Variants in SLC6A17 observed in about 807,000 individuals in gnomAD.
The protein encoded by SLC6A17 is solute carrier family 6 member 17.
Under a neutral mutation model 64.5 loss-of-function variants are expected in SLC6A17, and 21 were observed. The ratio of observed to expected loss-of-function variants is 0.33; its 90% CI spans 0.23 to 0.47. The LOEUF (loss-of-function observed/expected upper bound fraction) is 0.47. Among genes scored for constraint, SLC6A17 ranks in the 20% least tolerant of loss-of-function variants. The pLI is 1.00. For missense variants in SLC6A17, 682 were observed against 963.2 expected, an observed-to-expected ratio of 0.71 and a Z score of 3.86; for synonymous variants, 372 against 399.5, an observed-to-expected ratio of 0.93 and a Z score of 0.82.
intron 1 of SLC6A17, among the ~76,000 whole-genome samples, chr1:110,161,851 A>G (rs1655919963): frequency 1.3e-5 from 2 of 152,004 alleles, no homozygotes; most frequent in African/African-American, 4.8e-5. Flanking sequence ...CACCACCTTG[A>G]GCTTATTGCC....
intron 6 of SLC6A17, among the ~76,000 whole-genome samples, chr1:110,181,457 T>G (rs1570993727): frequency 6.6e-6 from 1 of 152,252 alleles, no homozygotes; most frequent in African/African-American, 2.4e-5. Context: ...ATTGAACACC[T>G]GTTACGTGCA....
At chr1:110,186,295 C>G (rs1214695006) in intron 6 of SLC6A17, among the ~76,000 whole-genome samples, 1 of 151,914 alleles carries the variant, frequency 6.6e-6, no homozygotes, top group Non-Finnish European at 1.5e-5. Context: ...TGTGACTAGG[C>G]TGAGGAATTT....
intron 1 of SLC6A17, among the ~76,000 whole-genome samples, chr1:110,153,724 A>G (rs1655674798): frequency 6.6e-6 from 1 of 152,158 alleles, no homozygotes; most frequent in South Asian, 2.1e-4. Context: ...GCAGCAGGAC[A>G]ATTCATCATT....
At chr1:110,197,697 G>C in intron 11 of SLC6A17, 98 bp downstream of exon 11, 1 of 1,369,378 alleles carries the variant, frequency 7.3e-7, no homozygotes, top group Non-Finnish European at 9.7e-7. Context: ...CAGCTGCTAT[G>C]TGCCAGGCCT....
At chr1:110,172,531 T>G in intron 3 of SLC6A17, 1 of 278,920 alleles carries the variant, frequency 3.6e-6, no homozygotes, top group Non-Finnish European at 6.8e-6. Flanking sequence ...ACATATGGAC[T>G]AGCCCAGATG....
At chr1:110,195,479 T>A (rs1007204323) in intron 9 of SLC6A17, 107 bp from the exon 10 acceptor site, 1 of 1,382,094 alleles carries the variant, frequency 7.2e-7, no homozygotes, top group African/African-American at 1.4e-5. Context: ...GCTGCAGGCA[T>A]GCTTTGGGGA....
rs1253928139 is a variant in SLC6A17, at chr1:110,201,623, C to G, written c.*3179C>G. 6.6e-6 allele frequency: 1 copy of G among 152,258 alleles called. No individual in the cohort carries two copies. The highest frequency in any genetic ancestry group is 1.9e-4 in the East Asian group (1 of 5,200). The allele number at this position is 152,258 out of a possible 1,614,324, so 9.4% of individuals were successfully genotyped here. A position where few individuals can be genotyped will look rare whatever the true frequency, so the allele number is the denominator to read the frequency against. On this transcript the variant is annotated 3_prime_UTR_variant, in exon 12 of 12. Coordinates refer to ENST00000331565, the MANE Select transcript of SLC6A17 (RefSeq NM_001010898.4). ...TTAATGCCAGTGAGGTCAGCTTCTG[C>G]CCTCCAGCAATACATGTGCAGGGGT...
Position 110,198,221 on chromosome 1 carries a change from C to T in SLC6A17, c.1961C>T (p.Ser654Phe), listed in dbSNP as rs1322150478. 1 of 1,614,178 alleles carries T rather than the reference C, an allele frequency of 6.2e-7. No homozygotes were observed. The highest frequency in any genetic ancestry group is 8.5e-7 in the Non-Finnish European group (1 of 1,180,028). Residue 654 changes from serine (S) to phenylalanine (F), a missense_variant, in exon 12 of 12, where the codon TCC (serine) becomes TTC (phenylalanine). By Grantham distance (155) the Ser-to-Phe change is radical. Around this residue, in one of 3 missense-constraint regions of SLC6A17, gnomAD observed 264 missense variants for 339.5 expected, o/e 0.78. Transcript: ENST00000331565. Reference protein sequence around the residue: ...LSDGSNTLSVSYKKGRMMKDI... With the variant: ...LSDGSNTLSVFYKKGRMMKDI... ...GATGGCTCCAACACCCTCTCCGTGTCCTACAAGAAGGGCCGCATGATGAAG... is the reference window on the plus strand; with the variant it reads ...GATGGCTCCAACACCCTCTCCGTGTTCTACAAGAAGGGCCGCATGATGAAG...
Position 110,174,967 on chromosome 1 carries a change from G to T in SLC6A17, c.753+7G>T, listed in dbSNP as rs1030130194. On this transcript the variant is annotated splice_region_variant and intron_variant, in intron 5 of 11. Coordinates refer to ENST00000331565, the MANE Select transcript of SLC6A17 (RefSeq NM_001010898.4). Reference sequence around the variant, plus strand: ...CATCCAGTCCTCGGGGAAGGTGAGTGCTGAGGGGGGCACCCAGGACCCAAA... The same window carrying T: ...CATCCAGTCCTCGGGGAAGGTGAGTTCTGAGGGGGGCACCCAGGACCCAAA... The T allele has an allele frequency of 4.3e-6, 7 of 1,611,022 alleles. No homozygotes were observed. The Admixed American group carries it at 1.2e-4, about 27-fold the overall frequency.
chr1:110,159,683 T>A (rs1305541395), intron 1 of SLC6A17, among the ~76,000 whole-genome samples: 1 of 152,174 alleles, frequency 6.6e-6, no homozygotes, highest in Non-Finnish European at 1.5e-5. Flanking sequence ...TACTGGCTCT[T>A]TTGAAAGTGG....
rs1657121094 is a variant in SLC6A17, at chr1:110,201,243, C to T, written c.*2799C>T. ...AAAAGGGCCGCCTGCCCCCTCCCCA[C>T]TGTGCTTTTGATGCCTTTGGAGTCA... On this transcript the variant is annotated 3_prime_UTR_variant, in exon 12 of 12. Coordinates refer to ENST00000331565, the MANE Select transcript of SLC6A17 (RefSeq NM_001010898.4). 6.6e-6 allele frequency: 1 copy of T among 152,270 alleles called. No homozygotes were observed. The highest frequency in any genetic ancestry group is 6.5e-5 in the Admixed American group (1 of 15,290). 9.4% of individuals were successfully genotyped at this position (152,270 alleles called of 1,614,324 possible).
At chr1:110,174,158 A>G in intron 4 of SLC6A17, 59 bp downstream of exon 4, 2 of 1,595,614 alleles carry the variant, frequency 1.3e-6, no homozygotes, top group Non-Finnish European at 1.7e-6. Flanking sequence ...GGGGTCTCAC[A>G]AGCTTAGCGC....
rs1198305453 is a variant in SLC6A17 at position 110,198,937 on chromosome 1, C to T, written c.*493C>T. ...CCTGCCCAGCCCAGACGGGGTTGCTCCTGGTCCAAGAGGCTACCTGCTCCA... is the reference window on the plus strand; with the variant it reads ...CCTGCCCAGCCCAGACGGGGTTGCTTCTGGTCCAAGAGGCTACCTGCTCCA... On this transcript the variant is annotated 3_prime_UTR_variant, in exon 12 of 12. Coordinates refer to ENST00000331565, the MANE Select transcript of SLC6A17 (RefSeq NM_001010898.4). 1 of 154,490 alleles carries T rather than the reference C, an allele frequency of 6.5e-6. No homozygotes were observed. Among genetic ancestry groups the T allele is most frequent in the Non-Finnish European group, 1.4e-5 (1 of 69,676 alleles). The allele number at this position is 154,490 out of a possible 1,614,324, so 9.6% of individuals were successfully genotyped here. A position where few individuals can be genotyped will look rare whatever the true frequency, so the allele number is the denominator to read the frequency against.
At chr1:110,174,731 C>G in intron 4 of SLC6A17, 48 bp from the exon 5 acceptor site, 1 of 1,592,290 alleles carries the variant, frequency 6.3e-7, no homozygotes, top group Non-Finnish European at 8.6e-7. Flanking sequence ...AGGAAGTGAC[C>G]CCATAGGCCC....
chr1:110,196,093 C>T (rs951248275), intron 10 of SLC6A17, among the ~76,000 whole-genome samples: 5 of 152,152 alleles, frequency 3.3e-5, no homozygotes, highest in African/African-American at 1.2e-4. Context: ...TAGACTTCAG[C>T]AGCCTGGTTC....
intron 6 of SLC6A17, among the ~76,000 whole-genome samples, chr1:110,182,973 T>C (rs548130072): frequency 1.5e-4 from 23 of 152,164 alleles, no homozygotes; most frequent in African/African-American, 5.5e-4. Flanking sequence ...GGGTCAAGGG[T>C]GTTATTTCAC....
At chr1:110,164,292 C>T (rs1323705330) in intron 1 of SLC6A17, among the ~76,000 whole-genome samples, 1 of 152,232 alleles carries the variant, frequency 6.6e-6, no homozygotes, top group Non-Finnish European at 1.5e-5. Flanking sequence ...CTGTGTCCCC[C>T]ACCTCTACTG....
In SLC6A17 at chr1:110,184,498, A is replaced by C. The variant is rs572604288; in HGVS notation, c.865-7474A>C. ...TATAAACCCATTTAAACCTCCTAAC[A>C]ACCCTGGAGAGGTCGGTACTCTCAT... On this transcript the variant is annotated intron_variant, in intron 6 of 11. Transcript: ENST00000331565. Among the ~76,000 whole-genome samples the C allele has an allele frequency of 5.3e-5, 8 of 152,316 alleles. No homozygotes were observed. The South Asian group carries it at 1.7e-3, about 32-fold the overall frequency.
At position 110,194,690 on chromosome 1, in the gene SLC6A17, C is replaced by T; in HGVS notation, c.1411C>T (p.Leu471=). ...CTTCTTGATGCTTATCAACCTGGGC[C>T]TGGGCAGCATGATCGGGACCATGGC... ...MFFLMLINLG[L]GSMIGTMAGI... Residue 471 remains leucine (L), a synonymous_variant, in exon 9 of 12, where the codon CTG becomes TTG. Transcript: ENST00000331565. 2 of 1,614,214 alleles carry T rather than the reference C, an allele frequency of 1.2e-6. No homozygotes were observed. The highest frequency in any genetic ancestry group is 1.7e-5 in the Admixed American group (1 of 60,034).
Sources: allele counts gnomAD v4.1 joint callset (sites outside exome capture counted in the v4.1 genomes callset), GRCh38; gene constraint gnomAD v4.1.1; regional missense constraint gnomAD v4.1.1; transcripts MANE v1.5; gene names NCBI Gene and HGNC (gene_info 2026-07-23, HGNC 2026-07-21).